Variants in SFXN1 observed in about 807,000 individuals in gnomAD.
SFXN1 encodes sideroflexin-1.
A neutral mutation model predicts 39.5 loss-of-function variants in SFXN1; 32 were observed. The observed-to-expected ratio is 0.81, with a 90% CI of 0.61 to 1.09. SFXN1 has a LOEUF of 1.09. Among genes scored for constraint, SFXN1 ranks in the 50% least tolerant of loss-of-function variants. The probability of loss-of-function intolerance (pLI) is 0.00; values close to 1 mark genes in which losing one functional copy is unlikely to be tolerated. For missense variants in SFXN1, 402 were observed against 407.1 expected (o/e 0.99, Z 0.11); for synonymous variants, 136 against 146.5 (o/e 0.93, Z 0.52).
intron 4 of SFXN1, among the ~76,000 whole-genome samples, chr5:175,510,772 G>A (rs2662171): frequency 0.21 from 31,740 of 151,970 alleles, 3,993 homozygotes; most frequent in South Asian, 0.35. Flanking sequence ...AACCAAAAAC[G>A]TTAGTTAGCA....
In SFXN1 at chr5:175,527,847, T is replaced by C. The variant is rs1761113554; in HGVS notation, c.*1113T>C. ...GTTTCAACTCTGTAGATGTTTAACGTCATAGACAGTTGGCCCTCTGTATCC... is the reference window on the plus strand; with the variant it reads ...GTTTCAACTCTGTAGATGTTTAACGCCATAGACAGTTGGCCCTCTGTATCC... On this transcript the variant is annotated 3_prime_UTR_variant, in exon 11 of 11. Coordinates refer to ENST00000321442, the MANE Select transcript of SFXN1 (RefSeq NM_022754.7). 1 of 152,144 alleles carries C rather than the reference T, an allele frequency of 6.6e-6. No homozygotes were observed. Among genetic ancestry groups the C allele is most frequent in the African/African-American group, 2.4e-5 (1 of 41,426 alleles). 9.4% of individuals were successfully genotyped at this position (152,144 alleles called of 1,614,324 possible).
intron 10 of SFXN1, 194 bp downstream of exon 10, chr5:175,522,616 C>G: frequency 2.0e-6 from 1 of 502,564 alleles, no homozygotes; most frequent in East Asian, 3.2e-5. Flanking sequence ...GCACCCAGCT[C>G]TTTTCTACCC....
intron 2 of SFXN1, among the ~76,000 whole-genome samples, chr5:175,507,530 C>G (rs1160101944): frequency 3.3e-5 from 5 of 152,218 alleles, no homozygotes; most frequent in Non-Finnish European, 1.5e-5. Context: ...TGCATGAAAA[C>G]ATTACCAGTG....
Position 175,528,737 on chromosome 5 carries a change from C to T in SFXN1, c.*2003C>T, listed in dbSNP as rs971428846. ...ATTTTCTGTCTTAAACCATTGGAAG[C>T]AAAACGGTTTTCCCATGACATTCTG... is the stretch of plus-strand genomic sequence containing the variant. On this transcript the variant is annotated 3_prime_UTR_variant, in exon 11 of 11. Transcript: ENST00000321442. 6.6e-6 allele frequency: 1 copy of T among 152,182 alleles called. No homozygotes were observed. The highest frequency in any genetic ancestry group is 1.5e-5 in the Non-Finnish European group (1 of 68,060). The allele number at this position is 152,182 out of a possible 1,614,324, so 9.4% of individuals were successfully genotyped here.
chr5:175,512,123 C>T lies in SFXN1; in HGVS notation c.523C>T (p.Leu175=). 6.2e-7 allele frequency: 1 copy of T among 1,614,152 alleles called. No homozygotes were observed. Among genetic ancestry groups the T allele is most frequent in the East Asian group, 2.2e-5 (1 of 44,880 alleles). ...TTCTCCTCTGCAGCATGTCTCACCA[C>T]TGATAGGACGTTTTGTTCCCTTTGC... ...LNALTKHVSP[L]IGRFVPFAAV... The change falls in exon 6 of 11, where the codon CTG becomes TTG. Residue 175 remains leucine, a synonymous_variant. Transcript: ENST00000321442.
Position 175,509,178 on chromosome 5 carries a change from C to T in SFXN1, c.311C>T (p.Thr104Ile). 1.9e-6 allele frequency: 3 copies of T among 1,613,154 alleles called. No homozygotes were observed. Among genetic ancestry groups the T allele is most frequent in the Middle Eastern group, 1.7e-4 (1 of 6,060 alleles). ...CAGGTTCCCATGAACATGACCATCACAGGTTGTATGATGACGTTTTACAGG... is the reference window on the plus strand; with the variant it reads ...CAGGTTCCCATGAACATGACCATCATAGGTTGTATGATGACGTTTTACAGG... ...SAQVPMNMTI[T>I]GCMMTFYRTT... Residue 104 changes from threonine (T) to isoleucine (I), a missense_variant, in exon 3 of 11, where the codon ACA (threonine) becomes ATA (isoleucine). Coordinates refer to ENST00000321442, the MANE Select transcript of SFXN1 (RefSeq NM_022754.7).
chr5:175,488,913 G>A (rs2067870515), intron 1 of SFXN1, among the ~76,000 whole-genome samples: 1 of 152,114 alleles, frequency 6.6e-6, no homozygotes, highest in African/African-American at 2.4e-5. Context: ...ACCATTTACT[G>A]CCTTCTAATA....
chr5:175,506,175 AAAC>A (rs1760284925), intron 2 of SFXN1, among the ~76,000 whole-genome samples: 2 of 152,212 alleles, frequency 1.3e-5, no homozygotes, highest in South Asian at 4.1e-4. Flanking sequence ...GACAAAAAGA[AAAC>A]AACTATTCTG....
intron 2 of SFXN1, among the ~76,000 whole-genome samples, chr5:175,507,637 GAGA>G (rs1760356983): frequency 6.6e-6 from 1 of 152,168 alleles, no homozygotes; most frequent in South Asian, 2.1e-4. Context: ...CTTTGATAAA[GAGA>G]AGAAGTAAAG....
At position 175,522,423 on chromosome 5, in the gene SFXN1, G is replaced by A. The variant is rs1474136377; in HGVS notation, c.872+1G>A. 6.2e-7 allele frequency: 1 copy of A among 1,611,638 alleles called. No homozygotes were observed. Among genetic ancestry groups the A allele is most frequent in the African/African-American group, 1.3e-5 (1 of 74,806 alleles). On this transcript the variant is annotated splice_donor_variant, in intron 10 of 10. Coordinates refer to ENST00000321442, the MANE Select transcript of SFXN1 (RefSeq NM_022754.7). LOFTEE classifies it high-confidence loss of function. The stretch of plus-strand genomic sequence containing the variant: ...GTTGTGCCCTGTTTCCTCAGAAAAG[G>A]TATGTATTTGTTATTCGTCAGAATC...
At chr5:175,508,622 A>T (rs574158001) in intron 2 of SFXN1, among the ~76,000 whole-genome samples, 1 of 150,646 alleles carries the variant, frequency 6.6e-6, no homozygotes, top group East Asian at 1.9e-4. Context: ...CCATCTAGGC[A>T]CAAGTGTTTT....
intron 1 of SFXN1, among the ~76,000 whole-genome samples, chr5:175,484,680 A>G (rs1344910244): frequency 6.6e-6 from 1 of 152,252 alleles, no homozygotes; most frequent in Non-Finnish European, 1.5e-5. Context: ...CATCCTCCTC[A>G]GCCCAGGCCC....
Position 175,528,082 on chromosome 5 carries a change from G to T in SFXN1, c.*1348G>T, listed in dbSNP as rs1170670948. The T allele has an allele frequency of 6.6e-6, 1 of 151,928 alleles. No individual in the cohort carries two copies. Among genetic ancestry groups the T allele is most frequent in the African/African-American group, 2.4e-5 (1 of 41,352 alleles). The allele number at this position is 151,928 out of a possible 1,614,324, so 9.4% of individuals were successfully genotyped here. A position where few individuals can be genotyped will look rare whatever the true frequency, so the allele number is the denominator to read the frequency against. ...ACTACAGGCGCCCGCCACCACGCCC[G>T]GCTAATTTTTTTGTATTTTTAGTAG... On this transcript the variant is annotated 3_prime_UTR_variant, in exon 11 of 11. Coordinates refer to ENST00000321442, the MANE Select transcript of SFXN1 (RefSeq NM_022754.7).
intron 1 of SFXN1, among the ~76,000 whole-genome samples, chr5:175,486,811 C>A (rs1428652499): frequency 6.6e-6 from 1 of 152,096 alleles, no homozygotes; most frequent in Non-Finnish European, 1.5e-5. Context: ...GTAACCAATT[C>A]TAAAATGAGA....
chr5:175,482,565 C>G (rs1478179940), intron 1 of SFXN1, among the ~76,000 whole-genome samples: 1 of 152,186 alleles, frequency 6.6e-6, no homozygotes, highest in Non-Finnish European at 1.5e-5. Context: ...ATGCACGGGA[C>G]TGTGGCCAGT....
chr5:175,516,535 CT>C, intron 7 of SFXN1, 78 bp from the exon 8 acceptor site: 1 of 1,285,726 alleles, frequency 7.8e-7, no homozygotes, highest in East Asian at 2.4e-5. Flanking sequence ...CAGAAGCTTT[CT>C]GTCAAATGGT....
At chr5:175,525,767 C>T (rs992237199) in intron 10 of SFXN1, 1 of 152,052 alleles carries the variant, frequency 6.6e-6, no homozygotes, top group Non-Finnish European at 1.5e-5. Flanking sequence ...CACCAACACA[C>T]CTGTCTTATT....
intron 1 of SFXN1, among the ~76,000 whole-genome samples, chr5:175,480,229 G>C (rs576096262): frequency 6.6e-6 from 1 of 152,074 alleles, no homozygotes. Flanking sequence ...GTGAAACCCC[G>C]TCTCTACTAA....
intron 1 of SFXN1, among the ~76,000 whole-genome samples, chr5:175,489,913 C>T (rs536360440): frequency 6.6e-6 from 1 of 152,246 alleles, no homozygotes; most frequent in South Asian, 2.1e-4. Context: ...CCCTCGGGCC[C>T]AGGTGGACTG....
Sources: gnomAD v4.1 joint callset for allele counts (sites outside exome capture counted in the v4.1 genomes callset) on GRCh38, gnomAD v4.1.1 for gene constraint, MANE v1.5 for transcripts, NCBI Gene and HGNC (gene_info 2026-07-23, HGNC 2026-07-21) for gene names.